PLEKHA7: variants seen among roughly 807,000 people sequenced by gnomAD.
The protein encoded by PLEKHA7 is pleckstrin homology domain-containing family A member 7.
A neutral mutation model predicts 170.0 loss-of-function variants in PLEKHA7; 104 were observed. The observed-to-expected ratio is 0.61, with a 90% CI of 0.52 to 0.72. PLEKHA7 has a LOEUF of 0.72. Ranked by LOEUF, PLEKHA7 falls within the 30% of genes least tolerant of loss-of-function variation. The pLI is 0.00. For missense variants in PLEKHA7, 1,615 were observed against 1,671.7 expected (o/e 0.97, Z 0.59); for synonymous variants, 648 against 660.8 (o/e 0.98, Z 0.30).
intron 3 of PLEKHA7, among the ~76,000 whole-genome samples, chr11:16,934,577 CA>C (rs1193818372): frequency 1.3e-5 from 2 of 152,166 alleles, no homozygotes; most frequent in African/African-American, 4.8e-5. Context: ...GAAACAGTAC[CA>C]GGCTATTGCC....
intron 3 of PLEKHA7, among the ~76,000 whole-genome samples, 183 bp downstream of exon 3, chr11:17,013,806 C>A (rs1565209155): frequency 6.6e-6 from 1 of 152,242 alleles, no homozygotes. Context: ...CGGCCCCCAC[C>A]GCCTTCCTCT....
At chr11:16,889,666 G>A (rs140262365) in intron 3 of PLEKHA7, among the ~76,000 whole-genome samples, 77 of 151,978 alleles carry the variant, frequency 5.1e-4, no homozygotes, top group African/African-American at 1.7e-3. Flanking sequence ...TATGTGAAAC[G>A]TCCAAACCTA....
Position 16,789,393 on chromosome 11 carries a change from T to TCA in PLEKHA7, c.3157-99_3157-98dup. The TCA allele has an allele frequency of 8.6e-7, 1 of 1,164,054 alleles. No individual in the cohort carries two copies. Among genetic ancestry groups the TCA allele is most frequent in the East Asian group, 2.4e-5 (1 of 42,364 alleles). The allele number at this position is 1,164,054 out of a possible 1,614,324, so 72.1% of individuals were successfully genotyped here. ...TGGCTGCATTCCCGTTGTCTCTCTC[T>TCA]CACACACATGCACACTCTAGTTGGG... On this transcript the variant is annotated intron_variant, in intron 22 of 26. Transcript: ENST00000531066. The surrounding 1 kb of genome is among the most constrained non-coding windows in gnomAD (Gnocchi z 4.6).
intron 4 of PLEKHA7, among the ~76,000 whole-genome samples, chr11:16,863,204 C>G (rs1283862393): frequency 6.6e-6 from 1 of 152,186 alleles, no homozygotes; most frequent in Non-Finnish European, 1.5e-5. Context: ...AATGAACCGC[C>G]TTTAGCAAAG....
chr11:16,897,597 G>A (rs1475589954), intron 3 of PLEKHA7, among the ~76,000 whole-genome samples: 1 of 152,168 alleles, frequency 6.6e-6, no homozygotes, highest in Non-Finnish European at 1.5e-5. Flanking sequence ...CGCAGAGAAG[G>A]TGTATTAGGC....
chr11:16,890,123 G>A (rs1050524931), intron 3 of PLEKHA7, among the ~76,000 whole-genome samples: 23 of 152,162 alleles, frequency 1.5e-4, no homozygotes, highest in African/African-American at 5.3e-4. Context: ...TTCACCACTA[G>A]ACTGCCCCTA....
At chr11:16,782,173 C>CACACA (rs60089285) in intron 26 of PLEKHA7, among the ~76,000 whole-genome samples, 11,236 of 151,206 alleles carry the variant, frequency 0.074, 549 homozygotes, top group Non-Finnish European at 0.099. Flanking sequence ...ACACACACAC[C>CACACA]CACACACACA....
chr11:16,932,732 G>C (rs1300315104), intron 3 of PLEKHA7, among the ~76,000 whole-genome samples: 3 of 152,210 alleles, frequency 2.0e-5, no homozygotes, highest in African/African-American at 7.2e-5. Context: ...CATGTGCTAT[G>C]AAGAAACCAA....
intron 3 of PLEKHA7, among the ~76,000 whole-genome samples, chr11:16,953,646 CTTTA>C (rs1034974707): frequency 6.6e-6 from 1 of 152,072 alleles, no homozygotes; most frequent in African/African-American, 2.4e-5. Context: ...TATTAGAGCC[CTTTA>C]TTTATTAATT....
intron 10 of PLEKHA7, among the ~76,000 whole-genome samples, chr11:16,820,564 G>A (rs1370052605): frequency 1.3e-5 from 2 of 152,202 alleles, no homozygotes; most frequent in African/African-American, 2.4e-5. Flanking sequence ...AGCGGTGGCA[G>A]AAACCAGGCT....
At chr11:16,922,594 C>T (rs1447474044) in intron 3 of PLEKHA7, among the ~76,000 whole-genome samples, 1 of 152,142 alleles carries the variant, frequency 6.6e-6, no homozygotes, top group Non-Finnish European at 1.5e-5. Flanking sequence ...GAACTTTGTG[C>T]TTTTGCAAAC....
Position 16,901,779 on chromosome 11 carries a change from G to A in PLEKHA7, c.222-30597C>T, listed in dbSNP as rs191703143. On this transcript the variant is annotated intron_variant, in intron 3 of 26. Coordinates refer to ENST00000531066, the MANE Select transcript of PLEKHA7 (RefSeq NM_001329630.2). The stretch of plus-strand genomic sequence containing the variant: ...TCAGCTACTCAAGAGGCTGAGGTGG[G>A]AGGATGGTTTGACCCAGGAGGTGGA... Among the ~76,000 whole-genome samples, 417 of 152,342 alleles carry A rather than the reference G, an allele frequency of 2.7e-3. 1 individual carries two copies. The highest frequency in any genetic ancestry group is 9.6e-3 in the African/African-American group (399 of 41,590).
At position 16,824,077 on chromosome 11, in the gene PLEKHA7, T is replaced by TA. The variant is rs545400731; in HGVS notation, c.1343+2042dup. ...ATTAAAACAATTGAACTCATGGAGA[T>TA]AGAGTAGAATAATGGTTACCAGAGG... On this transcript the variant is annotated intron_variant, in intron 10 of 26. Transcript: ENST00000531066. Among the ~76,000 whole-genome samples, 9 of 152,206 alleles carry TA rather than the reference T, an allele frequency of 5.9e-5. No homozygotes were observed. In the East Asian group the frequency reaches 1.5e-3, roughly 26 times the overall value.
chr11:16,948,753 T>C (rs1304072867), intron 3 of PLEKHA7, among the ~76,000 whole-genome samples: 1 of 152,158 alleles, frequency 6.6e-6, no homozygotes, highest in African/African-American at 2.4e-5. Flanking sequence ...AAGAAGCTCT[T>C]TTCTCACATC....
chr11:16,852,156 G>C (rs1853024529), intron 7 of PLEKHA7, 127 bp downstream of exon 7: 1 of 763,266 alleles, frequency 1.3e-6, no homozygotes, highest in Non-Finnish European at 2.1e-6. Context: ...AGGCAAACTG[G>C]ATTCTATTTA....
intron 3 of PLEKHA7, among the ~76,000 whole-genome samples, chr11:16,997,397 T>C (rs1227891262): frequency 6.6e-6 from 1 of 152,174 alleles, no homozygotes; most frequent in Non-Finnish European, 1.5e-5. Flanking sequence ...GAGCCCATTT[T>C]CCCAATATTC....
intron 3 of PLEKHA7, among the ~76,000 whole-genome samples, chr11:16,958,574 T>C (rs1861850719): frequency 6.6e-6 from 1 of 152,234 alleles, no homozygotes; most frequent in East Asian, 1.9e-4. Flanking sequence ...TCCATCTCTG[T>C]GCTTTTCCTC....
Position 16,794,520 on chromosome 11 carries a change from G to A in PLEKHA7, c.2713C>T (p.Leu905Phe). Residue 905 changes from leucine to phenylalanine, a missense_variant, in exon 19 of 27, where the codon CTT becomes TTT. Transcript: ENST00000531066. ...PPQLRKVTSP[L>F]QSPTKAKPKV... Reference sequence around the variant, plus strand: ...GGCTTCGCCTTAGTTGGTGACTGAAGGGGGGATGTCACTTTCCTCAGCTGG... The same window carrying A: ...GGCTTCGCCTTAGTTGGTGACTGAAAGGGGGATGTCACTTTCCTCAGCTGG... 1.2e-6 allele frequency: 2 copies of A among 1,613,946 alleles called. No homozygotes were observed. Among genetic ancestry groups the A allele is most frequent in the Non-Finnish European group, 1.7e-6 (2 of 1,179,990 alleles).
Position 16,997,121 on chromosome 11 carries a change from G to A in PLEKHA7, c.221+16868C>T, listed in dbSNP as rs552680443. On this transcript the variant is annotated intron_variant, in intron 3 of 26. Transcript: ENST00000531066. ...CCCCTGCCCCAAGGCTGTGCTTCTGGGCCAAGGTCATTTCTGTATTCACCC... is the reference window on the plus strand; with the variant it reads ...CCCCTGCCCCAAGGCTGTGCTTCTGAGCCAAGGTCATTTCTGTATTCACCC... Among the ~76,000 whole-genome samples, 7 of 152,140 alleles carry A rather than the reference G, an allele frequency of 4.6e-5. 1 individual carries two copies. In the South Asian group the frequency reaches 1.5e-3, roughly 32 times the overall value.
Sources: allele counts gnomAD v4.1 joint callset (sites outside exome capture counted in the v4.1 genomes callset), GRCh38; gene constraint gnomAD v4.1.1; non-coding constraint Gnocchi (gnomAD v3.1); transcripts MANE v1.5; gene names NCBI Gene and HGNC (gene_info 2026-07-23, HGNC 2026-07-21).